Variants in CTNND2 observed in about 807,000 individuals in gnomAD.
CTNND2 encodes the protein catenin delta-2.
CTNND2 carries 22 observed loss-of-function variants against 144.4 expected under a neutral mutation model. That is an observed-to-expected ratio of 0.15 (90% CI 0.11 to 0.22). The LOEUF (loss-of-function observed/expected upper bound fraction) is 0.22, where lower values mean the gene tolerates loss of function less well. Ranked by LOEUF, CTNND2 falls within the 10% of genes least tolerant of loss-of-function variation. The pLI is 1.00. For synonymous variants in CTNND2, 751 were observed against 695.6 expected, an observed-to-expected ratio of 1.08 and a Z score of -1.25; for missense variants, 1,353 against 1,618.8, an observed-to-expected ratio of 0.84 and a Z score of 2.82.
chr5:11,422,116 G>A (rs1022299330), intron 3 of CTNND2, among the ~76,000 whole-genome samples: 15 of 152,082 alleles, frequency 9.9e-5, no homozygotes, highest in East Asian at 1.9e-4. Flanking sequence ...AAAGATGAAC[G>A]CAGGCCCACC....
At chr5:11,342,273 C>G (rs552312718) in intron 9 of CTNND2, among the ~76,000 whole-genome samples, 3 of 152,224 alleles carry the variant, frequency 2.0e-5, no homozygotes, top group African/African-American at 7.2e-5. Flanking sequence ...AAACAGCACA[C>G]AAAATATAGT....
intron 16 of CTNND2, among the ~76,000 whole-genome samples, chr5:11,035,981 A>T (rs1310189495): frequency 1.3e-5 from 2 of 152,230 alleles, no homozygotes; most frequent in African/African-American, 4.8e-5. Flanking sequence ...AGTAGGGTAC[A>T]AAAATAATGA....
chr5:11,107,032 C>T (rs1195298605), intron 14 of CTNND2, among the ~76,000 whole-genome samples: 3 of 152,248 alleles, frequency 2.0e-5, no homozygotes, highest in African/African-American at 4.8e-5. Flanking sequence ...CTCAAGAGAC[C>T]GGAGTTCTAC....
At chr5:11,506,727 C>T (rs1017318003) in intron 3 of CTNND2, among the ~76,000 whole-genome samples, 2 of 152,146 alleles carry the variant, frequency 1.3e-5, no homozygotes, top group Admixed American at 1.3e-4. Flanking sequence ...TGAGGCATGC[C>T]CAGGGCTTGG....
chr5:11,211,136 T>C (rs1738587462), intron 10 of CTNND2, among the ~76,000 whole-genome samples: 1 of 151,890 alleles, frequency 6.6e-6, no homozygotes, highest in Admixed American at 6.6e-5. Context: ...AAAGGATAAA[T>C]AGGGTGTGAT....
intron 1 of CTNND2, among the ~76,000 whole-genome samples, chr5:11,782,122 G>T (rs1391798062): frequency 2.0e-5 from 3 of 152,164 alleles, no homozygotes; most frequent in African/African-American, 7.2e-5. Context: ...TCTCTTGCCT[G>T]CCACCATTTA....
Position 11,903,545 on chromosome 5 carries a change from G to T in CTNND2, c.37+272C>A, listed in dbSNP as rs578031672. ...CCCTAAATACGCTTCCTCCCGGGGAGATGGGTGGCAGGGAGGGGGAGCACG... is the reference window on the plus strand; with the variant it reads ...CCCTAAATACGCTTCCTCCCGGGGATATGGGTGGCAGGGAGGGGGAGCACG... On this transcript the variant is annotated intron_variant, in intron 1 of 21. Coordinates refer to ENST00000304623, the MANE Select transcript of CTNND2 (RefSeq NM_001332.4). This position sits in a 1 kb window ranked among gnomAD's most constrained non-coding sequence, Gnocchi z 5.4. 2.0e-5 allele frequency among the ~76,000 whole-genome samples: 3 copies of T among 152,132 alleles called. No individual in the cohort carries two copies. Among genetic ancestry groups the T allele is most frequent in the Non-Finnish European group, 4.4e-5 (3 of 68,032 alleles).
rs1277780896 is a variant in CTNND2, at chr5:11,214,117, T to C, written c.1762-14456A>G. On this transcript the variant is annotated intron_variant, in intron 10 of 21. Transcript: ENST00000304623. Reference sequence around the variant, plus strand: ...GTTGAGAAGGCTGTTATTTCTTTAATAATTTCTGTTCAAAGATTTTCAGTT... The same window carrying C: ...GTTGAGAAGGCTGTTATTTCTTTAACAATTTCTGTTCAAAGATTTTCAGTT... Among the ~76,000 whole-genome samples the C allele has an allele frequency of 2.6e-5, 4 of 152,346 alleles. No individual in the cohort carries two copies. In the East Asian group the frequency reaches 5.8e-4, roughly 22 times the overall value.
chr5:11,017,844 C>A, intron 18 of CTNND2, 130 bp downstream of exon 18: 1 of 703,218 alleles, frequency 1.4e-6, no homozygotes. Context: ...TTTCTGGCTT[C>A]TTCACTGATT....
At chr5:11,071,899 A>T (rs963849411) in intron 16 of CTNND2, among the ~76,000 whole-genome samples, 1 of 152,224 alleles carries the variant, frequency 6.6e-6, no homozygotes, top group African/African-American at 2.4e-5. Flanking sequence ...AAAGAAAACA[A>T]GGAAAGTTTC....
At chr5:11,692,063 T>G (rs536878382) in intron 2 of CTNND2, among the ~76,000 whole-genome samples, 1 of 152,224 alleles carries the variant, frequency 6.6e-6, no homozygotes, top group South Asian at 2.1e-4. Context: ...TAAAAAAAAG[T>G]TTTCCTAATA....
At chr5:11,685,997 G>A (rs891792813) in intron 2 of CTNND2, among the ~76,000 whole-genome samples, 1 of 152,152 alleles carries the variant, frequency 6.6e-6, no homozygotes, top group Non-Finnish European at 1.5e-5. Context: ...TTTGAGCTCA[G>A]GAATTCAAGA....
intron 2 of CTNND2, among the ~76,000 whole-genome samples, chr5:11,689,745 T>TAAA (rs148243860): frequency 5.3e-5 from 8 of 150,686 alleles, no homozygotes; most frequent in African/African-American, 1.9e-4. Flanking sequence ...AGTATCTTCA[T>TAAA]AAAAAAAAAG....
chr5:11,481,192 T>C (rs1325117394), intron 3 of CTNND2, among the ~76,000 whole-genome samples: 2 of 152,062 alleles, frequency 1.3e-5, no homozygotes, highest in Admixed American at 6.6e-5. Flanking sequence ...AACAAACACA[T>C]GGATGCCTGT....
chr5:11,028,718 C>CT (rs887530379), intron 16 of CTNND2, among the ~76,000 whole-genome samples: 7 of 151,946 alleles, frequency 4.6e-5, no homozygotes, highest in African/African-American at 1.7e-4. Context: ...CTCTTTTTTT[C>CT]TTTTTTTCCA....
chr5:11,693,866 T>C (rs1198991510), intron 2 of CTNND2, among the ~76,000 whole-genome samples: 3 of 152,366 alleles, frequency 2.0e-5, no homozygotes, highest in East Asian at 3.9e-4. Context: ...GTTAAGTTCC[T>C]GCAAGCCTTT....
intron 3 of CTNND2, among the ~76,000 whole-genome samples, chr5:11,561,972 G>T (rs986142199): frequency 9.9e-5 from 15 of 152,100 alleles, no homozygotes; most frequent in African/African-American, 3.6e-4. Context: ...CTTGAACCCA[G>T]GAGGGGGAGG....
At chr5:11,213,234 C>T (rs957581390) in intron 10 of CTNND2, among the ~76,000 whole-genome samples, 1 of 151,988 alleles carries the variant, frequency 6.6e-6, no homozygotes, top group Non-Finnish European at 1.5e-5. Context: ...TTTAGCTCGG[C>T]CTCCACAATC....
chr5:11,574,214 C>T (rs1016485481), intron 2 of CTNND2, among the ~76,000 whole-genome samples: 5 of 152,048 alleles, frequency 3.3e-5, no homozygotes, highest in Non-Finnish European at 5.9e-5. Context: ...GATAACAGCA[C>T]ATAATGGCAG....
Sources: allele counts gnomAD v4.1 joint callset (sites outside exome capture counted in the v4.1 genomes callset), GRCh38; gene constraint gnomAD v4.1.1; non-coding constraint Gnocchi (gnomAD v3.1); transcripts MANE v1.5; gene names NCBI Gene and HGNC (gene_info 2026-07-23, HGNC 2026-07-21).